Variants in FGD6 observed in about 807,000 individuals in gnomAD.
FGD6 encodes FYVE, RhoGEF and PH domain-containing protein 6.
Under a neutral mutation model 149.4 loss-of-function variants are expected in FGD6, and 90 were observed. The ratio of observed to expected loss-of-function variants is 0.60; its 90% CI spans 0.51 to 0.72. The LOEUF is 0.72. Among genes scored for constraint, FGD6 ranks in the 30% least tolerant of loss-of-function variants. FGD6 has a pLI of 0.00. For missense variants in FGD6, 1,437 were observed against 1,684.8 expected, an observed-to-expected ratio of 0.85 and a Z score of 2.57; for synonymous variants, 527 against 584.0, an observed-to-expected ratio of 0.90 and a Z score of 1.41.
At chr12:95,180,175 G>A (rs1220261255) in intron 2 of FGD6, among the ~76,000 whole-genome samples, 1 of 151,930 alleles carries the variant, frequency 6.6e-6, no homozygotes, top group Non-Finnish European at 1.5e-5. Flanking sequence ...CACAGAGTGT[G>A]CTCCTATTTG....
chr12:95,189,976 A>G (rs1358068112), intron 2 of FGD6, among the ~76,000 whole-genome samples: 1 of 152,176 alleles, frequency 6.6e-6, no homozygotes, highest in East Asian at 1.9e-4. Context: ...TTATATTCAA[A>G]TATGGTGCTC....
At chr12:95,110,369 T>C (rs1236438073) in intron 9 of FGD6, among the ~76,000 whole-genome samples, 4 of 151,440 alleles carry the variant, frequency 2.6e-5, no homozygotes, top group Non-Finnish European at 2.9e-5. Context: ...GAATTTTTTT[T>C]TTTTTTTGAG....
At chr12:95,150,246 C>T (rs942800157) in intron 5 of FGD6, among the ~76,000 whole-genome samples, 4 of 152,000 alleles carry the variant, frequency 2.6e-5, no homozygotes, top group African/African-American at 7.2e-5. Context: ...CAGGCTGTCT[C>T]GAACTCCTGA....
At chr12:95,205,759 T>A (rs1180054078) in intron 2 of FGD6, among the ~76,000 whole-genome samples, 1 of 152,336 alleles carries the variant, frequency 6.6e-6, no homozygotes, top group East Asian at 1.9e-4. Context: ...AGGAACAACC[T>A]CCCAGGCAAT....
At chr12:95,125,622 C>A in intron 8 of FGD6, 1 of 315,710 alleles carries the variant, frequency 3.2e-6, no homozygotes, top group Non-Finnish European at 6.1e-6. Context: ...GGAAACAGAG[C>A]AAGACCATGT....
rs769767560 is a variant in FGD6 at position 95,134,722 on chromosome 12, A to G, written c.3082+17T>C. ...ATAAACCAACTGGGTGGTTGGCAAA[A>G]TGCTGGAGAAGCCCACCTGTCAGCA... is the stretch of plus-strand genomic sequence containing the variant. On this transcript the variant is annotated intron_variant, in intron 8 of 20. Transcript: ENST00000343958. The G allele has an allele frequency of 1.4e-5, 23 of 1,611,772 alleles. No individual in the cohort carries two copies. Among genetic ancestry groups the G allele is most frequent in the Non-Finnish European group, 2.0e-5 (23 of 1,179,070 alleles).
chr12:95,107,496 A>G, intron 12 of FGD6, 67 bp downstream of exon 12: 1 of 1,513,222 alleles, frequency 6.6e-7, no homozygotes, highest in South Asian at 1.1e-5. Context: ...TACCATGTAT[A>G]AACGTCTCCT....
intron 14 of FGD6, among the ~76,000 whole-genome samples, chr12:95,102,369 G>C (rs542995386): frequency 6.7e-6 from 1 of 150,116 alleles, no homozygotes; most frequent in East Asian, 2.0e-4. Flanking sequence ...GCTTGAAGCC[G>C]GGAGGCGGGG....
chr12:95,158,219 G>A (rs1880533741), intron 3 of FGD6, among the ~76,000 whole-genome samples: 1 of 144,744 alleles, frequency 6.9e-6, no homozygotes, highest in South Asian at 2.2e-4. Context: ...TCAGGCTGGA[G>A]TGCAGTGGCG....
Position 95,077,943 on chromosome 12 carries a change from G to C in FGD6, c.*3577C>G, listed in dbSNP as rs1292442326. 3 of 152,168 alleles carry C rather than the reference G, an allele frequency of 2.0e-5. No individual in the cohort carries two copies. The highest frequency in any genetic ancestry group is 7.2e-5 in the African/African-American group (3 of 41,418). The allele number at this position is 152,168 out of a possible 1,614,324, so 9.4% of individuals were successfully genotyped here. A position where few individuals can be genotyped will look rare whatever the true frequency, so the allele number is the denominator to read the frequency against. ...GCTTTGCAGGATAGTGGAGAAAGTA[G>C]GTCTAAGGTCCAGGTTATAATGTGG... On this transcript the variant is annotated 3_prime_UTR_variant, in exon 21 of 21. Transcript: ENST00000343958.
At chr12:95,138,417 G>A (rs1019402259) in intron 6 of FGD6, among the ~76,000 whole-genome samples, 3 of 151,380 alleles carry the variant, frequency 2.0e-5, no homozygotes, top group Admixed American at 6.6e-5. Flanking sequence ...GGTGGCAGGC[G>A]CCTGTAATCC....
chr12:95,116,931 G>T (rs1565900251), intron 8 of FGD6: 2 of 455,968 alleles, frequency 4.4e-6, no homozygotes, highest in Non-Finnish European at 8.8e-6. Context: ...ATCACCCTGA[G>T]TCAGATGGGA....
chr12:95,208,206 C>A (rs768250116), intron 2 of FGD6, among the ~76,000 whole-genome samples: 1 of 151,970 alleles, frequency 6.6e-6, no homozygotes, highest in Non-Finnish European at 1.5e-5. Context: ...AAGCCATGAT[C>A]ATACCACTGC....
At chr12:95,200,185 A>C (rs1183836473) in intron 2 of FGD6, among the ~76,000 whole-genome samples, 2 of 151,838 alleles carry the variant, frequency 1.3e-5, no homozygotes, top group East Asian at 1.9e-4. Flanking sequence ...ATCAAAAAAA[A>C]CTGACTTCAA....
chr12:95,157,772 T>A (rs1880514687), intron 3 of FGD6, among the ~76,000 whole-genome samples: 1 of 152,188 alleles, frequency 6.6e-6, no homozygotes, highest in Non-Finnish European at 1.5e-5. Flanking sequence ...CAGATGAATA[T>A]GACCTCTATT....
At chr12:95,126,267 G>C in intron 8 of FGD6, 1 of 1,351,922 alleles carries the variant, frequency 7.4e-7, no homozygotes, top group Non-Finnish European at 1.0e-6. Flanking sequence ...GAAGGCTCCA[G>C]CCCAGAAGGT....
At chr12:95,129,142 G>C (rs769199709) in intron 8 of FGD6, among the ~76,000 whole-genome samples, 3 of 152,176 alleles carry the variant, frequency 2.0e-5, no homozygotes, top group Non-Finnish European at 4.4e-5. Context: ...GCAGAAACTA[G>C]AGGTGGAGGA....
chr12:95,211,290 T>C, intron 1 of FGD6, 23 bp from the exon 2 acceptor site: 1 of 1,524,396 alleles, frequency 6.6e-7, no homozygotes, highest in Middle Eastern at 1.8e-4. Context: ...AAATAATAAT[T>C]TGATGTCAAA....
At chr12:95,111,967 C>T (rs1878838649) in intron 9 of FGD6, among the ~76,000 whole-genome samples, 3 of 152,170 alleles carry the variant, frequency 2.0e-5, no homozygotes, top group Admixed American at 1.3e-4. Context: ...GGTGTGGTGG[C>T]TCATGCCTGT....
Sources: gnomAD v4.1 joint callset for allele counts (sites outside exome capture counted in the v4.1 genomes callset) on GRCh38, gnomAD v4.1.1 for gene constraint, MANE v1.5 for transcripts, NCBI Gene and HGNC (gene_info 2026-07-23, HGNC 2026-07-21) for gene names.